NFIB: variants seen among roughly 807,000 people sequenced by gnomAD.
NFIB encodes the protein nuclear factor 1 B-type.
NFIB carries 11 observed loss-of-function variants against 61.5 expected under a neutral mutation model. That is an observed-to-expected ratio of 0.18 (90% CI 0.11 to 0.30). The LOEUF is 0.30. Ranked by LOEUF, NFIB falls within the 10% of genes least tolerant of loss-of-function variation. NFIB has a pLI of 1.00. For synonymous variants in NFIB, 260 were observed against 216.5 expected, an observed-to-expected ratio of 1.20 and a Z score of -1.76; for missense variants, 471 against 608.9, an observed-to-expected ratio of 0.77 and a Z score of 2.38.
Position 14,288,333 on chromosome 9 carries a change from C to T in NFIB, c.562+18656G>A, listed in dbSNP as rs868431734. 3.4e-5 allele frequency among the ~76,000 whole-genome samples: 5 copies of T among 148,324 alleles called. 1 individual carries two copies. The highest frequency in any genetic ancestry group is 1.4e-4 in the Admixed American group (2 of 14,520). On this transcript the variant is annotated intron_variant, in intron 2 of 10. Transcript: ENST00000380953. The stretch of plus-strand genomic sequence containing the variant: ...ATTTAGATATCAGAGTTCAATGTTA[C>T]GATTCAATAATAAAAAAGAGATTAA...
At chr9:14,096,644 T>C (rs1015799143) in intron 10 of NFIB, 1 of 152,204 alleles carries the variant, frequency 6.6e-6, no homozygotes, top group African/African-American at 2.4e-5. Flanking sequence ...AAGTTCAATC[T>C]GGAATTACAT....
rs80190916 is a variant in NFIB, at chr9:14,205,430, T to A, written c.563-25650A>T. Among the ~76,000 whole-genome samples the A allele has an allele frequency of 4.0e-5, 6 of 151,892 alleles. No homozygotes were observed. In the East Asian group the frequency reaches 1.2e-3, roughly 30 times the overall value. ...AAAATACTTCATAAGTACACCTTCA[T>A]AAGTACGATATATACACAAGGTATA... is the stretch of plus-strand genomic sequence containing the variant. On this transcript the variant is annotated intron_variant, in intron 2 of 10. Coordinates refer to ENST00000380953, the MANE Select transcript of NFIB (RefSeq NM_001190737.2).
chr9:14,455,393 GA>G, the NFIB span, among the ~76,000 whole-genome samples: 6 of 152,182 alleles, frequency 3.9e-5, no homozygotes, highest in Non-Finnish European at 7.4e-5. Context: ...GGAAGGGAGG[GA>G]AAAGTGGTAT....
intron 2 of NFIB, among the ~76,000 whole-genome samples, chr9:14,183,022 A>T (rs1458595258): frequency 6.6e-6 from 1 of 152,128 alleles, no homozygotes; most frequent in Non-Finnish European, 1.5e-5. Flanking sequence ...AATGGTTTAA[A>T]CATATTAAAA....
intron 2 of NFIB, among the ~76,000 whole-genome samples, chr9:14,185,493 A>C (rs548537053): frequency 2.0e-5 from 3 of 152,192 alleles, no homozygotes; most frequent in African/African-American, 7.2e-5. Flanking sequence ...GTCTGTGCAT[A>C]ATGTTCCCCC....
intron 3 of NFIB, among the ~76,000 whole-genome samples, chr9:14,168,758 G>C (rs1331430414): frequency 1.3e-5 from 2 of 152,090 alleles, no homozygotes. Context: ...AAGTGTAAAG[G>C]TTTTTAAAGA....
rs575193497 is a variant in NFIB, at chr9:14,219,320, C to T, written c.563-39540G>A. 8.0e-5 allele frequency among the ~76,000 whole-genome samples: 10 copies of T among 124,458 alleles called. No individual in the cohort carries two copies. In the East Asian group the frequency reaches 2.6e-3, roughly 33 times the overall value. The allele number at this position is 124,458 out of a possible 152,430, so 81.6% of individuals were successfully genotyped here. ...GAATATTAACTATTATATAGATTGACAAATATTGCTATTTTATCTCCAGAG... is the reference window on the plus strand; with the variant it reads ...GAATATTAACTATTATATAGATTGATAAATATTGCTATTTTATCTCCAGAG... On this transcript the variant is annotated intron_variant, in intron 2 of 10. Transcript: ENST00000380953.
At chr9:14,224,708 T>A (rs1377530261) in intron 2 of NFIB, among the ~76,000 whole-genome samples, 1 of 152,198 alleles carries the variant, frequency 6.6e-6, no homozygotes, top group Admixed American at 6.5e-5. Context: ...TACAAGGAAC[T>A]TGAGCATTAT....
chr9:14,431,830 T>A, the NFIB span, among the ~76,000 whole-genome samples: 1 of 152,276 alleles, frequency 6.6e-6, no homozygotes, highest in East Asian at 1.9e-4. Flanking sequence ...TTGCCCTGTG[T>A]CCCTATGCAG....
chr9:14,182,728 G>A (rs866901930), intron 2 of NFIB, among the ~76,000 whole-genome samples: 1 of 149,382 alleles, frequency 6.7e-6, no homozygotes, highest in African/African-American at 2.5e-5. Context: ...GTGTGTGTGT[G>A]TGTGTGTGTG....
At chr9:14,521,743 C>G in the NFIB span, among the ~76,000 whole-genome samples, 284 of 152,264 alleles carry the variant, frequency 1.9e-3, 1 homozygote, top group African/African-American at 6.5e-3. Context: ...ATGTTGAAAA[C>G]TGTTACATTA....
chr9:14,286,520 A>G (rs1042068583), intron 2 of NFIB, among the ~76,000 whole-genome samples: 1 of 152,098 alleles, frequency 6.6e-6, no homozygotes, highest in East Asian at 1.9e-4. Context: ...TGATCTCACT[A>G]TTTTCTCAGA....
At chr9:14,262,187 G>A (rs924506248) in intron 2 of NFIB, among the ~76,000 whole-genome samples, 15 of 152,086 alleles carry the variant, frequency 9.9e-5, no homozygotes, top group African/African-American at 3.6e-4. Flanking sequence ...CCACCTATTT[G>A]ATGGGATATT....
chr9:14,335,629 C>T (rs1304510099), intron 1 of NFIB, among the ~76,000 whole-genome samples: 1 of 152,106 alleles, frequency 6.6e-6, no homozygotes, highest in Non-Finnish European at 1.5e-5. Context: ...TTCTGCCACA[C>T]TGTGGTTTTG....
the NFIB span, among the ~76,000 whole-genome samples, chr9:14,498,523 C>T: frequency 6.6e-6 from 1 of 152,164 alleles, no homozygotes; most frequent in East Asian, 1.9e-4. Context: ...ACAAAACCAC[C>T]TTGAGATACA....
intron 1 of NFIB, among the ~76,000 whole-genome samples, chr9:14,379,830 C>G (rs570365495): frequency 6.6e-6 from 1 of 152,150 alleles, no homozygotes; most frequent in South Asian, 2.1e-4. Context: ...TTACAGGTGC[C>G]TGCCACCACA....
At chr9:14,346,045 TGAGGAGGCAC>T (rs2061013613) in intron 1 of NFIB, among the ~76,000 whole-genome samples, 1 of 152,062 alleles carries the variant, frequency 6.6e-6, no homozygotes, top group Admixed American at 6.5e-5. Context: ...GCCTGTGGGC[TGAGGAGGCAC>T]GACCCTGATC....
At chr9:14,187,063 G>GCC (rs2047447667) in intron 2 of NFIB, among the ~76,000 whole-genome samples, 1 of 133,948 alleles carries the variant, frequency 7.5e-6, no homozygotes, top group Admixed American at 7.8e-5. Context: ...GTGTGTGTGT[G>GCC]TGTGTGTGTG....
chr9:14,452,151 G>A, the NFIB span, among the ~76,000 whole-genome samples: 46 of 152,046 alleles, frequency 3.0e-4, no homozygotes, highest in East Asian at 8.1e-3. Flanking sequence ...GTGGTTATTC[G>A]TGTTTCTAAT....
Sources: allele counts gnomAD v4.1 joint callset (sites outside exome capture counted in the v4.1 genomes callset), GRCh38; gene constraint gnomAD v4.1.1; transcripts MANE v1.5; gene names NCBI Gene and HGNC (gene_info 2026-07-23, HGNC 2026-07-21).